Variants in APPL2 observed in about 807,000 individuals in gnomAD.
APPL2 encodes the protein DCC-interacting protein 13-beta.
A neutral mutation model predicts 92.7 loss-of-function variants in APPL2; 84 were observed. The observed-to-expected ratio is 0.91, with a 90% confidence interval of 0.76 to 1.09. APPL2 has a LOEUF of 1.09. Ranked by LOEUF, APPL2 falls within the 50% of genes least tolerant of loss-of-function variation. APPL2 has a pLI of 0.00. For missense variants in APPL2, 736 were observed against 824.5 expected (o/e 0.89, Z 1.31); for synonymous variants, 291 against 291.0 (o/e 1.00, Z 0.00).
Position 105,174,095 on chromosome 12 carries a change from C to A in APPL2, c.*219G>T, listed in dbSNP as rs1885240559. 2.1e-6 allele frequency: 1 copy of A among 475,112 alleles called. No homozygotes were observed. Among genetic ancestry groups the A allele is most frequent in the Admixed American group, 4.2e-5 (1 of 23,586 alleles). The allele number at this position is 475,112 out of a possible 1,614,324, so 29.4% of individuals were successfully genotyped here. On this transcript the variant is annotated 3_prime_UTR_variant, in exon 21 of 21. Coordinates refer to ENST00000258530, the MANE Select transcript of APPL2 (RefSeq NM_018171.5). ...AGCGCAATCTAAGAAAAAAGACTTA[C>A]CACAAAGCACCTAAAATAACATTGT...
At chr12:105,190,990 G>A (rs561636169) in intron 14 of APPL2, among the ~76,000 whole-genome samples, 1 of 152,310 alleles carries the variant, frequency 6.6e-6, no homozygotes, top group East Asian at 1.9e-4. Flanking sequence ...GAATATCAAT[G>A]TATTTTGATT....
In APPL2 at chr12:105,207,158, T is replaced by A. The variant is rs779992410; in HGVS notation, c.524A>T (p.His175Leu). The change falls in exon 8 of 21, where the codon CAC (histidine) becomes CTC (leucine). Residue 175 changes from histidine to leucine, a missense_variant. Physicochemically the swap from His to Leu is moderately conservative, Grantham distance 99. Transcript: ENST00000258530. ...ACAGTAGTACTGAAGGGAGGAGAGG[T>A]GCTGCTTCCGCCGGGCCGCGGCCAC... The part of the protein sequence containing the change: ...KEVAAARRKQ[H>L]LSSLQYYCAL... 21 of 1,613,932 alleles carry A rather than the reference T, an allele frequency of 1.3e-5. No individual in the cohort carries two copies. Among genetic ancestry groups the A allele is most frequent in the Non-Finnish European group, 1.6e-5 (19 of 1,180,016 alleles).
chr12:105,181,219 A>C (rs536752804), intron 17 of APPL2, among the ~76,000 whole-genome samples: 51 of 152,300 alleles, frequency 3.3e-4, no homozygotes, highest in African/African-American at 1.2e-3. Flanking sequence ...TGAGATAATC[A>C]TGTGGTTTTT....
intron 19 of APPL2, chr12:105,176,385 T>C: frequency 1.9e-6 from 1 of 533,862 alleles, no homozygotes; most frequent in Non-Finnish European, 3.2e-6. Flanking sequence ...AGCCACGATA[T>C]GTCCATATAC....
intron 17 of APPL2, among the ~76,000 whole-genome samples, chr12:105,183,242 T>C (rs561495060): frequency 4.6e-5 from 7 of 152,294 alleles, no homozygotes; most frequent in African/African-American, 1.7e-4. Context: ...AATTGGGGCA[T>C]TTAGCCTGTT....
At chr12:105,205,500 T>C (rs748372616) in intron 8 of APPL2, among the ~76,000 whole-genome samples, 1 of 152,188 alleles carries the variant, frequency 6.6e-6, no homozygotes, top group Non-Finnish European at 1.5e-5. Context: ...CTGGGAGCAG[T>C]GAGGTAGTCC....
intron 9 of APPL2, among the ~76,000 whole-genome samples, chr12:105,202,027 C>T (rs1888254034): frequency 6.6e-6 from 1 of 152,200 alleles, no homozygotes; most frequent in African/African-American, 2.4e-5. Context: ...TGCAGCAAAA[C>T]CATCCCTTGG....
At chr12:105,202,272 G>A (rs999417221) in intron 9 of APPL2, among the ~76,000 whole-genome samples, 3 of 152,196 alleles carry the variant, frequency 2.0e-5, no homozygotes, top group Non-Finnish European at 4.4e-5. Flanking sequence ...CGCAGACCCT[G>A]ACGTTAATGC....
chr12:105,223,423 C>T (rs1890264963), intron 2 of APPL2, among the ~76,000 whole-genome samples: 2 of 152,108 alleles, frequency 1.3e-5, no homozygotes, highest in South Asian at 4.2e-4. Flanking sequence ...TGCAGGACCC[C>T]AAGACTTCAG....
Position 105,213,172 on chromosome 12 carries a change from TTAAG to T in APPL2, c.286-1859_286-1856del, listed in dbSNP as rs1414745220. On this transcript the variant is annotated intron_variant, in intron 4 of 20. Coordinates refer to ENST00000258530, the MANE Select transcript of APPL2 (RefSeq NM_018171.5). Reference sequence around the variant, plus strand: ...ATGGAGAAACCAAAACTCAGAAAGATTAAGTGTCTTTCCAATGGTTATGCACTAC... The same window carrying T: ...ATGGAGAAACCAAAACTCAGAAAGATTGTCTTTCCAATGGTTATGCACTAC... 3.3e-5 allele frequency among the ~76,000 whole-genome samples: 5 copies of T among 152,326 alleles called. No individual in the cohort carries two copies. In the East Asian group the frequency reaches 9.6e-4, roughly 29 times the overall value.
At chr12:105,222,173 C>T (rs879355717) in intron 2 of APPL2, among the ~76,000 whole-genome samples, 12 of 152,160 alleles carry the variant, frequency 7.9e-5, no homozygotes, top group Admixed American at 7.9e-4. Context: ...TCATGCGAGG[C>T]AGGCCACGGG....
intron 17 of APPL2, among the ~76,000 whole-genome samples, chr12:105,183,329 T>C (rs1020574221): frequency 1.3e-4 from 20 of 152,190 alleles, no homozygotes; most frequent in African/African-American, 4.8e-4. Flanking sequence ...TGCCTGTTAG[T>C]TGATGCAGTT....
At chr12:105,204,943 CAG>C (rs1454342021) in intron 8 of APPL2, among the ~76,000 whole-genome samples, 1 of 152,226 alleles carries the variant, frequency 6.6e-6, no homozygotes, top group Non-Finnish European at 1.5e-5. Flanking sequence ...GCACTGATTA[CAG>C]AGCCTCAGTT....
At position 105,190,005 on chromosome 12, in the gene APPL2, C is replaced by G. The variant is rs199959711; in HGVS notation, c.1392G>C (p.Gln464His). The G allele has an allele frequency of 1.2e-6, 2 of 1,614,152 alleles. No individual in the cohort carries two copies. Residue 464 changes from glutamine (Q) to histidine (H), a missense_variant, in exon 15 of 21, where the codon CAG (glutamine) becomes CAC (histidine). Transcript: ENST00000258530. ...IVLPATEFLDQNRGSRRTNPF... is the reference protein window; with the variant it reads ...IVLPATEFLDHNRGSRRTNPF... Reference sequence around the variant, plus strand: ...TCAGCCCATACCTGCTCCCTCTGTTCTGATCAAGGAATTCTGTAGCAGGAA... The same window carrying G: ...TCAGCCCATACCTGCTCCCTCTGTTGTGATCAAGGAATTCTGTAGCAGGAA...
At chr12:105,181,042 T>C (rs1024790606) in intron 17 of APPL2, among the ~76,000 whole-genome samples, 6 of 152,322 alleles carry the variant, frequency 3.9e-5, no homozygotes, top group African/African-American at 1.4e-4. Flanking sequence ...CTTGTGCTAA[T>C]TTTCAAAGGG....
chr12:105,212,387 A>G (rs189915955), intron 4 of APPL2, among the ~76,000 whole-genome samples: 181 of 152,350 alleles, frequency 1.2e-3, no homozygotes, highest in African/African-American at 4.2e-3. Flanking sequence ...TATACGCTCA[A>G]TACTAAGTAG....
At chr12:105,230,390 A>G (rs1380214861) in intron 1 of APPL2, among the ~76,000 whole-genome samples, 7 of 152,328 alleles carry the variant, frequency 4.6e-5, no homozygotes, top group African/African-American at 1.7e-4. Context: ...AGATCTACTC[A>G]AGGGATTTTC....
intron 10 of APPL2, 119 bp from the exon 11 acceptor site, chr12:105,198,072 C>CTTAAA: frequency 9.9e-7 from 1 of 1,006,138 alleles, no homozygotes; most frequent in Non-Finnish European, 1.4e-6. Flanking sequence ...TTCTTTATAT[C>CTTAAA]GTTAAAGCAA....
chr12:105,235,894 G>A (rs918076665), intron 1 of APPL2, 65 bp downstream of exon 1: 1 of 1,202,862 alleles, frequency 8.3e-7, no homozygotes, highest in East Asian at 3.3e-5. Flanking sequence ...CCTCCACTCC[G>A]GGGCTGGAGG....
Sources: allele counts gnomAD v4.1 joint callset (sites outside exome capture counted in the v4.1 genomes callset), GRCh38; gene constraint gnomAD v4.1.1; transcripts MANE v1.5; gene names NCBI Gene and HGNC (gene_info 2026-07-23, HGNC 2026-07-21).